NKAIN2: variants seen among roughly 807,000 people sequenced by gnomAD.
The protein encoded by NKAIN2 is sodium/potassium transporting ATPase interacting 2.
Under a neutral mutation model 32.6 loss-of-function variants are expected in NKAIN2, and 14 were observed. That is an observed-to-expected ratio of 0.43 (90% CI 0.28 to 0.67). NKAIN2 has a LOEUF of 0.67. Ranked by LOEUF, NKAIN2 falls within the 30% of genes least tolerant of loss-of-function variation. NKAIN2 has a pLI of 0.17. For missense variants in NKAIN2, 198 were observed against 258.3 expected (o/e 0.77, Z 1.60); for synonymous variants, 80 against 87.2 (o/e 0.92, Z 0.46).
chr6:124,052,654 A>G (rs1288925521), intron 1 of NKAIN2, among the ~76,000 whole-genome samples: 1 of 152,062 alleles, frequency 6.6e-6, no homozygotes, highest in Non-Finnish European at 1.5e-5. Context: ...CAAAAGAATA[A>G]GGTGTTTGTA....
intron 1 of NKAIN2, among the ~76,000 whole-genome samples, chr6:124,023,205 TAAAC>T (rs1448837631): frequency 1.3e-5 from 2 of 151,362 alleles, no homozygotes; most frequent in Non-Finnish European, 2.9e-5. Context: ...CATCTGAGAT[TAAAC>T]ACACACACAC....
chr6:124,545,584 T>G (rs1780066355), intron 3 of NKAIN2, among the ~76,000 whole-genome samples: 1 of 151,926 alleles, frequency 6.6e-6, no homozygotes. Flanking sequence ...ATGTATCTTT[T>G]TCTCCATTTT....
chr6:124,791,382 C>T lies in NKAIN2; in HGVS notation c.518C>T (p.Thr173Ile), dbSNP rs550796318. The T allele has an allele frequency of 6.2e-7, 1 of 1,606,982 alleles. No homozygotes were observed. The highest frequency in any genetic ancestry group is 1.3e-5 in the African/African-American group (1 of 74,890). ...IYACYVVKCI[T>I]EEEDSFDFIG... ...GCCTGTTATGTTGTGAAATGTATAA[C>T]TGAAGAAGAGGACAGCTGTAAGTAT... Residue 173 changes from threonine (T) to isoleucine (I), a missense_variant, in exon 5 of 7, where the codon ACT becomes ATT. Transcript: ENST00000368417.
chr6:124,085,710 A>G (rs1784165014), intron 1 of NKAIN2, among the ~76,000 whole-genome samples: 1 of 152,012 alleles, frequency 6.6e-6, no homozygotes, highest in African/African-American at 2.4e-5. Flanking sequence ...ACATAAGTGA[A>G]TAAGCAAGTA....
At chr6:124,808,322 G>T (rs1208094288) in intron 5 of NKAIN2, among the ~76,000 whole-genome samples, 1 of 151,942 alleles carries the variant, frequency 6.6e-6, no homozygotes, top group African/African-American at 2.4e-5. Context: ...ATGCAAGGCT[G>T]GTTCAATATA....
At chr6:124,230,146 T>A (rs1792374320) in intron 1 of NKAIN2, among the ~76,000 whole-genome samples, 1 of 152,152 alleles carries the variant, frequency 6.6e-6, no homozygotes, top group Non-Finnish European at 1.5e-5. Context: ...GGAAACTTGT[T>A]GAGAGCTGGA....
chr6:124,538,241 AT>A (rs1014875912), intron 3 of NKAIN2, among the ~76,000 whole-genome samples: 8 of 150,634 alleles, frequency 5.3e-5, no homozygotes, highest in African/African-American at 1.7e-4. Context: ...TATTATTATT[AT>A]TTTTTTTGGT....
intron 1 of NKAIN2, among the ~76,000 whole-genome samples, chr6:123,918,165 T>C (rs930238108): frequency 1.3e-5 from 2 of 152,162 alleles, no homozygotes; most frequent in East Asian, 3.9e-4. Context: ...TAGCTTGAAA[T>C]TAGTCATAGT....
intron 2 of NKAIN2, among the ~76,000 whole-genome samples, chr6:124,347,527 T>C (rs1045414918): frequency 6.6e-6 from 1 of 152,180 alleles, no homozygotes; most frequent in Non-Finnish European, 1.5e-5. Flanking sequence ...GGAGGCTTTG[T>C]TCGTTTCCTT....
chr6:124,429,207 T>C (rs1775106677), intron 3 of NKAIN2, among the ~76,000 whole-genome samples: 1 of 146,596 alleles, frequency 6.8e-6, no homozygotes, highest in Admixed American at 6.7e-5. Flanking sequence ...CTGGCTAATT[T>C]TTTTTTTTTT....
chr6:123,847,793 C>G lies in NKAIN2; in HGVS notation c.54+43539C>G, dbSNP rs1378720875. ...CAGTCTGAAGTGGTGAAACTTTATA[C>G]TGGCTGCAGTTTATAATTACCTAAA... On this transcript the variant is annotated intron_variant, in intron 1 of 6. Coordinates refer to ENST00000368417, the MANE Select transcript of NKAIN2 (RefSeq NM_001040214.3). Among the ~76,000 whole-genome samples, 3 of 152,104 alleles carry G rather than the reference C, an allele frequency of 2.0e-5. No individual in the cohort carries two copies. The East Asian group carries it at 5.8e-4, about 29-fold the overall frequency.
intron 3 of NKAIN2, among the ~76,000 whole-genome samples, chr6:124,497,872 A>G (rs1778126941): frequency 6.6e-6 from 1 of 151,570 alleles, no homozygotes; most frequent in Non-Finnish European, 1.5e-5. Flanking sequence ...GTGATTCAAA[A>G]TCTCCAGAAA....
At chr6:124,366,366 A>G (rs190313326) in intron 3 of NKAIN2, among the ~76,000 whole-genome samples, 2 of 152,278 alleles carry the variant, frequency 1.3e-5, no homozygotes, top group East Asian at 3.9e-4. Context: ...AATTCTTTGG[A>G]GACCACAACT....
chr6:124,478,891 A>G (rs996193495), intron 3 of NKAIN2, among the ~76,000 whole-genome samples: 2 of 152,178 alleles, frequency 1.3e-5, no homozygotes, highest in Admixed American at 1.3e-4. Flanking sequence ...GAGAAACCTG[A>G]AAAACATCAC....
intron 2 of NKAIN2, among the ~76,000 whole-genome samples, chr6:124,294,659 T>C (rs1165986536): frequency 6.6e-6 from 1 of 152,146 alleles, no homozygotes; most frequent in East Asian, 1.9e-4. Context: ...TTCAGAGGTT[T>C]TATGAATTGT....
At chr6:124,179,052 T>G (rs1269955781) in intron 1 of NKAIN2, among the ~76,000 whole-genome samples, 1 of 152,234 alleles carries the variant, frequency 6.6e-6, no homozygotes, top group Admixed American at 6.5e-5. Context: ...ACAACTCGAT[T>G]AAAATTAGCA....
At chr6:123,994,802 G>A (rs1292937449) in intron 1 of NKAIN2, among the ~76,000 whole-genome samples, 1 of 152,094 alleles carries the variant, frequency 6.6e-6, no homozygotes, top group Non-Finnish European at 1.5e-5. Context: ...AAACCTGTAT[G>A]TGTTTTTATG....
At chr6:123,833,332 T>G (rs1471434331) in intron 1 of NKAIN2, among the ~76,000 whole-genome samples, 1 of 152,216 alleles carries the variant, frequency 6.6e-6, no homozygotes. Flanking sequence ...ATTTTTTTGA[T>G]GATTGTAGCT....
At chr6:124,718,140 G>C (rs538607244) in intron 4 of NKAIN2, among the ~76,000 whole-genome samples, 6 of 152,050 alleles carry the variant, frequency 3.9e-5, no homozygotes, top group African/African-American at 1.4e-4. Flanking sequence ...GATTTTTTTA[G>C]TATAATCACA....
Sources: allele counts gnomAD v4.1 joint callset (sites outside exome capture counted in the v4.1 genomes callset), GRCh38; gene constraint gnomAD v4.1.1; transcripts MANE v1.5; gene names NCBI Gene and HGNC (gene_info 2026-07-23, HGNC 2026-07-21).